The following NSUN7 variants were observed in gnomAD, a reference collection of about 807,000 sequenced individuals.
NSUN7 encodes NOP2/Sun RNA methyltransferase family member 7, also known as protein NSUN7.
A neutral mutation model predicts 58.5 loss-of-function variants in NSUN7; 39 were observed. The ratio of observed to expected loss-of-function variants is 0.67; its 90% confidence interval spans 0.52 to 0.87. NSUN7 has a LOEUF of 0.87. NSUN7 is among the 40% of genes least tolerant of loss of function. The pLI is 0.00. For missense variants in NSUN7, 765 were observed against 844.1 expected, an observed-to-expected ratio of 0.91 and a Z score of 1.16; for synonymous variants, 278 against 303.7, an observed-to-expected ratio of 0.92 and a Z score of 0.88.
At chr4:40,780,460 T>G (rs1742476427) in intron 7 of NSUN7, among the ~76,000 whole-genome samples, 1 of 151,202 alleles carries the variant, frequency 6.6e-6, no homozygotes, top group African/African-American at 2.4e-5. Flanking sequence ...ATACAAAAAA[T>G]TACCCAGGTG....
chr4:40,751,245 A>G (rs1048028664), intron 2 of NSUN7, among the ~76,000 whole-genome samples: 7 of 152,124 alleles, frequency 4.6e-5, no homozygotes, highest in African/African-American at 7.2e-5. Flanking sequence ...ATTACATTCA[A>G]CAAGGAAACA....
At chr4:40,753,151 A>G (rs1177870757) in intron 2 of NSUN7, among the ~76,000 whole-genome samples, 2 of 152,240 alleles carry the variant, frequency 1.3e-5, no homozygotes, top group Non-Finnish European at 2.9e-5. Context: ...AGCCTGAATT[A>G]TAATTCTATA....
At chr4:40,785,337 G>A (rs1489515599) in intron 7 of NSUN7, among the ~76,000 whole-genome samples, 2 of 151,916 alleles carry the variant, frequency 1.3e-5, no homozygotes, top group African/African-American at 4.8e-5. Flanking sequence ...AAAAGAAAAA[G>A]AAAAGTAGGA....
chr4:40,808,821 T>G lies in NSUN7; in HGVS notation c.2039T>G (p.Val680Gly). The G allele has an allele frequency of 6.5e-7, 1 of 1,549,464 alleles. No individual in the cohort carries two copies. The highest frequency in any genetic ancestry group is 1.2e-5 in the South Asian group (1 of 83,896). Residue 680 changes from valine (V) to glycine (G), a missense_variant, in exon 12 of 12, where the codon GTT (valine) becomes GGT (glycine). By Grantham distance (109) the Val-to-Gly change is moderately radical (BLOSUM62 -3). Coordinates refer to ENST00000381782, the MANE Select transcript of NSUN7 (RefSeq NM_024677.6). Reference protein sequence around the residue: ...MPTQHLYCRWVAPKALVPTCL... With the variant: ...MPTQHLYCRWGAPKALVPTCL... ...ACTCAACATTTGTACTGTCGTTGGG[T>G]TGCACCCAAGGCACTTGTGCCCACC... is the stretch of plus-strand genomic sequence containing the variant.
intron 7 of NSUN7, among the ~76,000 whole-genome samples, chr4:40,789,780 A>T (rs1742993254): frequency 6.6e-6 from 1 of 152,236 alleles, no homozygotes; most frequent in South Asian, 2.1e-4. Context: ...ATTTTAAAAG[A>T]CACAGAGAAT....
intron 9 of NSUN7, among the ~76,000 whole-genome samples, chr4:40,794,822 A>G (rs191860169): frequency 3.0e-4 from 46 of 152,276 alleles, no homozygotes; most frequent in Non-Finnish European, 6.0e-4. Context: ...CATTGTGCCT[A>G]CCCTTAACAA....
chr4:40,770,658 CATAA>C (rs1741953840), intron 4 of NSUN7, among the ~76,000 whole-genome samples: 2 of 152,096 alleles, frequency 1.3e-5, no homozygotes, highest in African/African-American at 4.8e-5. Context: ...TCAAAAACTA[CATAA>C]ATATTTCTGA....
At chr4:40,807,849 C>T (rs567363566) in intron 11 of NSUN7, among the ~76,000 whole-genome samples, 1 of 152,082 alleles carries the variant, frequency 6.6e-6, no homozygotes, top group South Asian at 2.1e-4. Context: ...CGAGACCAGC[C>T]TGGCCAACAT....
chr4:40,792,689 C>T (rs868567164), intron 8 of NSUN7, among the ~76,000 whole-genome samples: 96 of 152,138 alleles, frequency 6.3e-4, no homozygotes, highest in Middle Eastern at 3.4e-3. Context: ...GGGGCGGAGC[C>T]TGCAGTGAGC....
At chr4:40,776,406 C>T (rs1329413314) in intron 7 of NSUN7, 147 bp downstream of exon 7, 1 of 548,738 alleles carries the variant, frequency 1.8e-6, no homozygotes, top group African/African-American at 1.9e-5. Flanking sequence ...TATGTCTTAT[C>T]AGGCTGTCCT....
chr4:40,809,146 C>A lies in NSUN7; in HGVS notation c.*207C>A. On this transcript the variant is annotated 3_prime_UTR_variant, in exon 12 of 12. Transcript: ENST00000381782. Reference sequence around the variant, plus strand: ...CAAAGCAGAATTCAGAGACTTCAGCCAATCACTGCTGCTCTGAGAGGATCC... The same window carrying A: ...CAAAGCAGAATTCAGAGACTTCAGCAAATCACTGCTGCTCTGAGAGGATCC... The A allele has an allele frequency of 1.8e-6, 1 of 542,018 alleles. No individual in the cohort carries two copies. The highest frequency in any genetic ancestry group is 3.2e-6 in the Non-Finnish European group (1 of 313,066). 33.6% of individuals were successfully genotyped at this position (542,018 alleles called of 1,614,324 possible). A position where few individuals can be genotyped will look rare whatever the true frequency, so the allele number is the denominator to read the frequency against.
At chr4:40,755,451 T>G (rs1741095734) in intron 2 of NSUN7, among the ~76,000 whole-genome samples, 1 of 151,864 alleles carries the variant, frequency 6.6e-6, no homozygotes, top group Non-Finnish European at 1.5e-5. Context: ...AACAACAAAT[T>G]TAAAAAAAAA....
rs1338140059 is a variant in NSUN7 at position 40,761,292 on chromosome 4, T to A, written c.479T>A (p.Leu160His). The change falls in exon 4 of 12, where the codon CTT (leucine) becomes CAT (histidine). Residue 160 changes from leucine (L) to histidine (H), a missense_variant. By Grantham distance (99) the Leu-to-His change is moderately conservative (BLOSUM62 -3). Coordinates refer to ENST00000381782, the MANE Select transcript of NSUN7 (RefSeq NM_024677.6). ...TCAGAAGTTCAAGAAGTAGAGAACC[T>A]TCTTAACAGGTAATCGTAAAAGTGA... ...PISEVQEVEN[L>H]LNSFKIKLAA... 6.3e-7 allele frequency: 1 copy of A among 1,599,104 alleles called. No homozygotes were observed. The highest frequency in any genetic ancestry group is 8.5e-7 in the Non-Finnish European group (1 of 1,175,602).
chr4:40,786,011 AG>A (rs1742805612), intron 7 of NSUN7: 8 of 1,432,276 alleles, frequency 5.6e-6, no homozygotes, highest in Non-Finnish European at 7.5e-6. Context: ...AGAAGAGGGA[AG>A]GACAGTTAGT....
intron 10 of NSUN7, among the ~76,000 whole-genome samples, chr4:40,805,791 T>C (rs1420969698): frequency 6.6e-6 from 1 of 152,134 alleles, no homozygotes; most frequent in Non-Finnish European, 1.5e-5. Flanking sequence ...TTGTGGTGGT[T>C]GCTGGCTGTC....
intron 9 of NSUN7, among the ~76,000 whole-genome samples, 195 bp downstream of exon 9, chr4:40,794,671 C>T (rs1031018173): frequency 6.6e-6 from 1 of 152,158 alleles, no homozygotes; most frequent in African/African-American, 2.4e-5. Context: ...ATATGCTTTA[C>T]TGTAATTTTA....
chr4:40,805,840 C>CTAT (rs919925003), intron 10 of NSUN7, among the ~76,000 whole-genome samples: 144 of 151,408 alleles, frequency 9.5e-4, no homozygotes, highest in African/African-American at 3.1e-3. Context: ...CACATGGACA[C>CTAT]TATTATTATT....
intron 10 of NSUN7, among the ~76,000 whole-genome samples, chr4:40,803,248 C>T (rs528497492): frequency 3.9e-5 from 6 of 152,128 alleles, no homozygotes; most frequent in East Asian, 1.9e-4. Context: ...AATAAACATA[C>T]GTGTGCATGT....
intron 10 of NSUN7, among the ~76,000 whole-genome samples, chr4:40,802,165 C>T (rs1743615139): frequency 6.6e-6 from 1 of 152,000 alleles, no homozygotes; most frequent in Non-Finnish European, 1.5e-5. Context: ...AATAATCTTT[C>T]CTTGGCCCCC....
Sources: gnomAD v4.1 joint callset for allele counts (sites outside exome capture counted in the v4.1 genomes callset) on GRCh38, gnomAD v4.1.1 for gene constraint, MANE v1.5 for transcripts, NCBI Gene and HGNC (gene_info 2026-07-23, HGNC 2026-07-21) for gene names.